CENPP: variants seen among roughly 807,000 people sequenced by gnomAD.
CENPP encodes the protein centromere protein P.
A neutral mutation model predicts 35.6 loss-of-function variants in CENPP; 24 were observed. The ratio of observed to expected loss-of-function variants is 0.67; its 90% CI spans 0.49 to 0.95. The LOEUF (loss-of-function observed/expected upper bound fraction) is 0.95. Among genes scored for constraint, CENPP ranks in the 40% least tolerant of loss-of-function variants. The pLI is 0.00. For missense variants in CENPP, 332 were observed against 345.3 expected, an observed-to-expected ratio of 0.96 and a Z score of 0.31; for synonymous variants, 120 against 125.5, an observed-to-expected ratio of 0.96 and a Z score of 0.29.
At chr9:92,483,015 GAC>G (rs1845962372) in intron 5 of CENPP, among the ~76,000 whole-genome samples, 1 of 151,674 alleles carries the variant, frequency 6.6e-6, no homozygotes, top group African/African-American at 2.4e-5. Flanking sequence ...ATATAACACA[GAC>G]ACACATGCAT....
rs562461911 is a variant in CENPP at position 92,573,293 on chromosome 9, T to C, written c.565-38021T>C. ...ATGGGGTTTTGGTGTGGATGTCCTT[T>C]CTGTTTGTTAGTTTTCCTTCTAACA... On this transcript the variant is annotated intron_variant, in intron 5 of 7. Coordinates refer to ENST00000375587, the MANE Select transcript of CENPP (RefSeq NM_001012267.3). 2.6e-3 allele frequency among the ~76,000 whole-genome samples: 399 copies of C among 152,354 alleles called. 2 individuals are homozygous for C. Among genetic ancestry groups the C allele is most frequent in the African/African-American group, 9.0e-3 (375 of 41,578 alleles).
At chr9:92,353,325 G>A (rs951383401) in intron 4 of CENPP, among the ~76,000 whole-genome samples, 29 of 152,240 alleles carry the variant, frequency 1.9e-4, no homozygotes, top group South Asian at 8.3e-4. Flanking sequence ...TTCCCTTTGC[G>A]TTCAGCAAGC....
At chr9:92,474,890 T>G in intron 5 of CENPP, 1 of 1,611,590 alleles carries the variant, frequency 6.2e-7, no homozygotes, top group Non-Finnish European at 8.5e-7. Flanking sequence ...GAGCACATAC[T>G]CCTTCATGGT....
At position 92,618,368 on chromosome 9, in the gene CENPP, G is replaced by A. The variant is rs1002218790; in HGVS notation, c.*5219G>A. 7 of 456,484 alleles carry A rather than the reference G, an allele frequency of 1.5e-5. No individual in the cohort carries two copies. The highest frequency in any genetic ancestry group is 4.7e-5 in the Admixed American group (2 of 42,540). The allele number at this position is 456,484 out of a possible 1,614,324, so 28.3% of individuals were successfully genotyped here. ...AGGACCCGGGCCTTCAGCTTTCCCC[G>A]CATGCTGGCTTTCCAATTTGACATC... On this transcript the variant is annotated 3_prime_UTR_variant, in exon 8 of 8. Transcript: ENST00000375587.
chr9:92,508,745 T>C (rs1847158681), intron 5 of CENPP, among the ~76,000 whole-genome samples: 1 of 152,210 alleles, frequency 6.6e-6, no homozygotes, highest in African/African-American at 2.4e-5. Flanking sequence ...CTCATTATTA[T>C]TGTTCTTTTC....
rs1851336445 is a variant in CENPP at position 92,613,528 on chromosome 9, T to G, written c.*379T>G. 4.4e-6 allele frequency: 1 copy of G among 226,746 alleles called. No homozygotes were observed. Among genetic ancestry groups the G allele is most frequent in the African/African-American group, 2.3e-5 (1 of 43,970 alleles). 14.0% of individuals were successfully genotyped at this position (226,746 alleles called of 1,614,324 possible). A position where few individuals can be genotyped will look rare whatever the true frequency, so the allele number is the denominator to read the frequency against. ...TGGGAGAAGCCACCCTTATCCTGGT[T>G]CCTGCCTCCTGGGGGCTCTGGAGAC... On this transcript the variant is annotated 3_prime_UTR_variant, in exon 8 of 8. Transcript: ENST00000375587.
chr9:92,600,550 C>A (rs1188120870), intron 5 of CENPP: 1 of 1,612,338 alleles, frequency 6.2e-7, no homozygotes, highest in South Asian at 1.1e-5. Flanking sequence ...GGCTGGGGCA[C>A]ATGGAGAATG....
At chr9:92,562,326 G>A (rs781089625) in intron 5 of CENPP, among the ~76,000 whole-genome samples, 25 of 149,818 alleles carry the variant, frequency 1.7e-4, no homozygotes, top group Non-Finnish European at 2.7e-4. Flanking sequence ...TGCCTCAGCC[G>A]CCTGAGTAGC....
chr9:92,473,376 T>C, intron 5 of CENPP, among the ~76,000 whole-genome samples: 1 of 152,326 alleles, frequency 6.6e-6, no homozygotes, highest in South Asian at 2.1e-4. Context: ...TCATAGCAGA[T>C]ACACATATTT....
chr9:92,566,834 C>G (rs1849978847), intron 5 of CENPP, among the ~76,000 whole-genome samples: 1 of 152,142 alleles, frequency 6.6e-6, no homozygotes, highest in African/African-American at 2.4e-5. Context: ...CTGAAAACTT[C>G]CCACATTTGT....
At chr9:92,326,158 AG>A in intron 1 of CENPP, 53 bp downstream of exon 1, 2 of 1,215,766 alleles carry the variant, frequency 1.6e-6, no homozygotes, top group Non-Finnish European at 2.3e-6. Flanking sequence ...TTCCCGGGCC[AG>A]GCGGGTGAAT....
intron 4 of CENPP, among the ~76,000 whole-genome samples, chr9:92,375,539 G>T (rs541958305): frequency 1.3e-4 from 20 of 151,562 alleles, no homozygotes; most frequent in Admixed American, 1.1e-3. Context: ...CTTGAGATCC[G>T]CCCACCTCGG....
intron 5 of CENPP, chr9:92,600,496 G>GT: frequency 6.2e-7 from 1 of 1,612,904 alleles, no homozygotes. Context: ...TTCTGCAAAG[G>GT]TCTGGAGATG....
At chr9:92,446,096 C>T (rs927183062) in intron 5 of CENPP, among the ~76,000 whole-genome samples, 1 of 152,076 alleles carries the variant, frequency 6.6e-6, no homozygotes, top group Non-Finnish European at 1.5e-5. Context: ...AAAAAACTCT[C>T]CATCACTGGA....
intron 5 of CENPP, among the ~76,000 whole-genome samples, chr9:92,453,653 C>T (rs1230860464): frequency 2.0e-5 from 3 of 152,094 alleles, no homozygotes; most frequent in Non-Finnish European, 4.4e-5. Flanking sequence ...GAGACTTTAA[C>T]ACCCCACTGT....
intron 5 of CENPP, chr9:92,401,020 T>A: frequency 1.4e-6 from 1 of 726,952 alleles, no homozygotes. Context: ...AGTTTTTGAT[T>A]ACCACAAGGA....
chr9:92,385,584 A>G, intron 5 of CENPP: 2 of 1,562,226 alleles, frequency 1.3e-6, no homozygotes, highest in Non-Finnish European at 1.8e-6. Context: ...CTATTAGTGT[A>G]GGTGTACTTT....
At chr9:92,337,887 C>T (rs1840980701) in intron 3 of CENPP, among the ~76,000 whole-genome samples, 1 of 152,204 alleles carries the variant, frequency 6.6e-6, no homozygotes. Context: ...CCTGGGCTTC[C>T]AGTGCAATTC....
chr9:92,448,687 G>A (rs114018473), intron 5 of CENPP, among the ~76,000 whole-genome samples: 5 of 152,176 alleles, frequency 3.3e-5, no homozygotes, highest in South Asian at 4.2e-4. Flanking sequence ...AGGTGAAGCC[G>A]TAGGTGTCAG....
Sources: allele counts gnomAD v4.1 joint callset (sites outside exome capture counted in the v4.1 genomes callset), GRCh38; gene constraint gnomAD v4.1.1; transcripts MANE v1.5; gene names NCBI Gene and HGNC (gene_info 2026-07-23, HGNC 2026-07-21).